ITPR3: variants seen among roughly 807,000 people sequenced by gnomAD.
ITPR3 encodes the protein inositol 1,4,5-trisphosphate-gated calcium channel ITPR3.
Under a neutral mutation model 293.2 loss-of-function variants are expected in ITPR3, and 173 were observed. The observed-to-expected ratio is 0.59, with a 90% CI of 0.52 to 0.67. The LOEUF (loss-of-function observed/expected upper bound fraction) is 0.67. Ranked by LOEUF, ITPR3 falls within the 30% of genes least tolerant of loss-of-function variation. The pLI is 0.00. For missense variants in ITPR3, 2,796 were observed against 3,592.1 expected (o/e 0.78, Z 5.66); for synonymous variants, 1,295 against 1,444.4 (o/e 0.90, Z 2.35).
chr6:33,637,720 T>G (rs1311477921), intron 1 of ITPR3, among the ~76,000 whole-genome samples: 2 of 151,220 alleles, frequency 1.3e-5, no homozygotes, highest in African/African-American at 2.4e-5. Context: ...CTCTGCCTCC[T>G]GGGTTCAAGC....
rs552286405 is a variant in ITPR3, at chr6:33,638,818, C to T, written c.90-1666C>T. The stretch of plus-strand genomic sequence containing the variant: ...GAGAGACACTGCCAGGACCAGGTGC[C>T]GGAACATGAAGGAGGGAGGCCCACA... On this transcript the variant is annotated intron_variant, in intron 1 of 57. Transcript: ENST00000605930. The surrounding 1 kb of genome is among the most constrained non-coding windows in gnomAD (Gnocchi z 4.3). Among the ~76,000 whole-genome samples, 11 of 152,306 alleles carry T rather than the reference C, an allele frequency of 7.2e-5. No individual in the cohort carries two copies. The highest frequency in any genetic ancestry group is 1.9e-4 in the East Asian group (1 of 5,186).
Position 33,677,027 on chromosome 6 carries a change from G to A in ITPR3, c.3460G>A (p.Glu1154Lys), listed in dbSNP as rs200602680. The A allele has an allele frequency of 7.9e-5, 127 of 1,614,084 alleles. No homozygotes were observed. Among genetic ancestry groups the A allele is most frequent in the Admixed American group, 1.0e-4 (6 of 60,012 alleles). The change falls in exon 27 of 58, where the codon GAG (glutamate) becomes AAG (lysine). Residue 1154 changes from glutamate to lysine, a missense_variant. Physicochemically the swap from Glu to Lys is moderately conservative, Grantham distance 56. Transcript: ENST00000605930. ...TCTCTGCTTTCAGCGTCCCACGGAC[G>A]AGGAGGGCTTTCTGCACCCACCAGG... is the stretch of plus-strand genomic sequence containing the variant. ...AKDKKERPTD[E>K]EGFLHPPGEK... is the part of the protein sequence containing the mutation.
intron 1 of ITPR3, among the ~76,000 whole-genome samples, chr6:33,630,400 A>G (rs1047993194): frequency 5.9e-5 from 9 of 152,216 alleles, no homozygotes; most frequent in African/African-American, 2.2e-4. Context: ...AAAGACTGAG[A>G]GAGTCCAGTT....
chr6:33,649,820 C>T (rs887222101), intron 2 of ITPR3, among the ~76,000 whole-genome samples: 2 of 152,122 alleles, frequency 1.3e-5, no homozygotes. Flanking sequence ...CTAGACCTCA[C>T]CCGAGACCTG....
Position 33,684,011 on chromosome 6 carries a change from C to G in ITPR3, c.4789-9C>G, listed in dbSNP as rs140545989. On this transcript the variant is annotated splice_polypyrimidine_tract_variant and intron_variant, in intron 35 of 57. Coordinates refer to ENST00000605930, the MANE Select transcript of ITPR3 (RefSeq NM_002224.4). This position sits in a 1 kb window ranked among gnomAD's most constrained non-coding sequence, Gnocchi z 4.2. ...GGGCCTGGCAATGACTCTGCCCTGC[C>G]CACCCCAGGACATCATCACAGCCCT... 1.8e-5 allele frequency: 28 copies of G among 1,592,452 alleles called. No individual in the cohort carries two copies. The highest frequency in any genetic ancestry group is 2.3e-5 in the Non-Finnish European group (27 of 1,168,758).
chr6:33,687,139 A>C lies in ITPR3; in HGVS notation c.6075+35A>C. ...GGCAGGTGGGCAGGCGGGCGGAACC[A>C]GGTGGAGTGTGTTGGGATGGGGATG... On this transcript the variant is annotated intron_variant, in intron 44 of 57. Coordinates refer to ENST00000605930, the MANE Select transcript of ITPR3 (RefSeq NM_002224.4). The surrounding 1 kb of genome is among the most constrained non-coding windows in gnomAD (Gnocchi z 5.3). 1 of 1,608,368 alleles carries C rather than the reference A, an allele frequency of 6.2e-7. No homozygotes were observed. The highest frequency in any genetic ancestry group is 8.5e-7 in the Non-Finnish European group (1 of 1,175,384).
chr6:33,653,978 G>T (rs1394265368), intron 2 of ITPR3, among the ~76,000 whole-genome samples: 1 of 152,160 alleles, frequency 6.6e-6, no homozygotes, highest in African/African-American at 2.4e-5. Context: ...CCATAAAGAT[G>T]CACTCTCTGC....
intron 57 of ITPR3, 183 bp downstream of exon 57, chr6:33,695,268 G>A (rs1301269073): frequency 1.4e-5 from 9 of 659,302 alleles, no homozygotes; most frequent in Non-Finnish European, 2.3e-5. Flanking sequence ...GACAACCCCT[G>A]CCTTGGGCCG....
rs759469254 is a variant in ITPR3, at chr6:33,664,961, C to T, written c.1240C>T (p.Arg414Trp). ...TGACATCGAGGAGGAGCGGCCCATC[C>T]GGCTCATGGTGCGTGTCCCTGGGGT... The part of the protein sequence containing the change: ...PIDIEEERPI[R>W]LMLGTCPTKE... The change falls in exon 12 of 58, where the codon CGG (arginine) becomes TGG (tryptophan). Residue 414 changes from arginine to tryptophan, a missense_variant. Physicochemically the swap from Arg to Trp is moderately radical, Grantham distance 101. Transcript: ENST00000605930. This position sits in a 1 kb window ranked among gnomAD's most constrained non-coding sequence, Gnocchi z 4.4. The T allele has an allele frequency of 4.0e-6, 5 of 1,257,472 alleles. No homozygotes were observed. Among genetic ancestry groups the T allele is most frequent in the South Asian group, 2.4e-5 (2 of 84,558 alleles). 77.9% of individuals were successfully genotyped at this position (1,257,472 alleles called of 1,614,324 possible). A position where few individuals can be genotyped will look rare whatever the true frequency, so the allele number is the denominator to read the frequency against.
intron 1 of ITPR3, among the ~76,000 whole-genome samples, chr6:33,629,774 C>T (rs892539727): frequency 2.6e-4 from 39 of 151,962 alleles, no homozygotes; most frequent in Non-Finnish European, 5.2e-4. Context: ...GCCACCACGC[C>T]GGGCCTGACC....
At chr6:33,640,178 C>T (rs1267272338) in intron 1 of ITPR3, among the ~76,000 whole-genome samples, 2 of 152,188 alleles carry the variant, frequency 1.3e-5, no homozygotes, top group Non-Finnish European at 2.9e-5. Flanking sequence ...AGGAGATACA[C>T]CTGCAGCATG....
At chr6:33,648,590 C>T (rs1200781160) in intron 2 of ITPR3, among the ~76,000 whole-genome samples, 2 of 151,532 alleles carry the variant, frequency 1.3e-5, no homozygotes, top group African/African-American at 4.9e-5. Context: ...GTCCATGTCT[C>T]CCTCCCACTA....
intron 17 of ITPR3, 25 bp from the exon 18 acceptor site, chr6:33,668,947 CTG>C: frequency 6.2e-7 from 1 of 1,609,384 alleles, no homozygotes; most frequent in Non-Finnish European, 8.5e-7. Flanking sequence ...ACCTGGCTCC[CTG>C]TGACAGGTTG....
At chr6:33,678,602 G>GGC in intron 29 of ITPR3, 37 bp from the exon 30 acceptor site, 1 of 1,455,498 alleles carries the variant, frequency 6.9e-7, no homozygotes, top group Non-Finnish European at 9.5e-7. Flanking sequence ...TGGGGGCGGG[G>GGC]CCCAGATCTC....
At position 33,665,888 on chromosome 6, in the gene ITPR3, A is replaced by G. The variant is rs569535873; in HGVS notation, c.1463A>G (p.Asn488Ser). ...DLVFFVSDVP[N>S]NGQNVLDIMV... ...GTGTTCTTTGTCAGCGATGTCCCCA[A>G]CAATGGGCAGAATGTCCTGGACATC... The change falls in exon 14 of 58, where the codon AAC becomes AGC. Residue 488 changes from asparagine (N) to serine (S), a missense_variant. Asn to Ser is a conservative substitution (Grantham distance 46). Around this residue, in one of 8 missense-constraint regions of ITPR3, gnomAD observed 955 missense variants for 1,180.8 expected, o/e 0.81. Transcript: ENST00000605930. 1.2e-5 allele frequency: 19 copies of G among 1,614,220 alleles called. No homozygotes were observed. The South Asian group carries it at 1.6e-4, about 14-fold the overall frequency.
intron 1 of ITPR3, among the ~76,000 whole-genome samples, chr6:33,635,333 T>A (rs1007125832): frequency 1.3e-5 from 2 of 152,156 alleles, no homozygotes; most frequent in African/African-American, 2.4e-5. Flanking sequence ...GTCTTCCCAA[T>A]GAGATTTTAA....
In ITPR3 at chr6:33,682,742, G is replaced by A. The variant is rs1347939186; in HGVS notation, c.4597+98G>A. 2.3e-5 allele frequency: 33 copies of A among 1,425,720 alleles called. 1 individual carries two copies. The highest frequency in any genetic ancestry group is 5.8e-5 in the South Asian group (4 of 69,418). 88.3% of individuals were successfully genotyped at this position (1,425,720 alleles called of 1,614,324 possible). ...TAATAAACACTTTATCCCTAAGCTC[G>A]CCCATCTCCTGCTCCCAGGTGGTTG... On this transcript the variant is annotated intron_variant, in intron 34 of 57. Transcript: ENST00000605930. This position sits in a 1 kb window ranked among gnomAD's most constrained non-coding sequence, Gnocchi z 5.4.
intron 55 of ITPR3, 116 bp downstream of exon 55, chr6:33,693,009 G>A (rs1765436428): frequency 2.1e-6 from 2 of 975,198 alleles, no homozygotes; most frequent in African/African-American, 1.6e-5. Context: ...CGGAGCTGAT[G>A]ACTTGATGCA....
intron 21 of ITPR3, 77 bp from the exon 22 acceptor site, chr6:33,671,942 ATCCTCTGCCT>A (rs1371838052): frequency 7.9e-7 from 1 of 1,270,402 alleles, no homozygotes; most frequent in South Asian, 1.4e-5. Context: ...CAGATTATGC[ATCCTCTGCCT>A]CCCTCATCAG....
Sources: gnomAD v4.1 joint callset for allele counts (sites outside exome capture counted in the v4.1 genomes callset) on GRCh38, gnomAD v4.1.1 for gene constraint, gnomAD v4.1.1 regional missense constraint, Gnocchi (gnomAD v3.1) non-coding constraint, MANE v1.5 for transcripts, NCBI Gene and HGNC (gene_info 2026-07-23, HGNC 2026-07-21) for gene names.